SGCD: variants seen among roughly 807,000 people sequenced by gnomAD.
SGCD encodes sarcoglycan delta, also known as delta-sarcoglycan.
Under a neutral mutation model 36.6 loss-of-function variants are expected in SGCD, and 18 were observed. That is an observed-to-expected ratio of 0.49 (90% CI 0.34 to 0.73). The LOEUF (loss-of-function observed/expected upper bound fraction) is 0.73. Ranked by LOEUF, SGCD falls within the 30% of genes least tolerant of loss-of-function variation. The pLI is 0.01. For synonymous variants in SGCD, 133 were observed against 130.6 expected (o/e 1.02, Z -0.12); for missense variants, 387 against 346.7 (o/e 1.12, Z -0.92).
chr5:156,593,092 CATAG>C (rs1760788250), intron 5 of SGCD, among the ~76,000 whole-genome samples: 1 of 152,108 alleles, frequency 6.6e-6, no homozygotes, highest in Non-Finnish European at 1.5e-5. Flanking sequence ...CTTTCTATAA[CATAG>C]ATAGATACAG....
chr5:156,079,733 G>A (rs1393233985), intron 1 of SGCD, among the ~76,000 whole-genome samples: 1 of 152,192 alleles, frequency 6.6e-6, no homozygotes. Flanking sequence ...GGGCCCCTAA[G>A]GTCTTGGGCA....
intron 7 of SGCD, among the ~76,000 whole-genome samples, chr5:156,688,170 C>A (rs564665113): frequency 2.0e-5 from 3 of 152,154 alleles, no homozygotes; most frequent in East Asian, 1.9e-4. Flanking sequence ...AGGTAATAAG[C>A]CTAATATCCT....
At chr5:156,719,621 G>A (rs1755392729) in intron 7 of SGCD, among the ~76,000 whole-genome samples, 1 of 152,198 alleles carries the variant, frequency 6.6e-6, no homozygotes, top group African/African-American at 2.4e-5. Context: ...TGCATAGTCT[G>A]TGGTGGATGG....
intron 1 of SGCD, among the ~76,000 whole-genome samples, chr5:156,117,310 G>GT (rs1178889599): frequency 6.6e-6 from 1 of 151,916 alleles, no homozygotes; most frequent in Non-Finnish European, 1.5e-5. Flanking sequence ...CATTTTATAG[G>GT]TAAGAGAATT....
rs58920671 is a variant in SGCD, at chr5:156,406,819, T to TACAC, written c.192+62162_192+62165dup. 1.5e-3 allele frequency among the ~76,000 whole-genome samples: 152 copies of TACAC among 104,310 alleles called. 2 individuals carry two copies. The highest frequency in any genetic ancestry group is 2.3e-3 in the Non-Finnish European group (123 of 52,560). The allele number at this position is 104,310 out of a possible 152,430, so 68.4% of individuals were successfully genotyped here. ...ATATATATATATATATATATATATA[T>TACAC]ACACACACACACACACACACACATA... On this transcript the variant is annotated intron_variant, in intron 3 of 8. Transcript: ENST00000337851.
At chr5:155,966,170 A>G (rs781220493) in intron 1 of SGCD, among the ~76,000 whole-genome samples, 5 of 152,124 alleles carry the variant, frequency 3.3e-5, no homozygotes, top group East Asian at 1.9e-4. Context: ...GTCAAATCCA[A>G]TAGAACCAAC....
intron 3 of SGCD, among the ~76,000 whole-genome samples, chr5:156,178,493 A>G (rs1262113193): frequency 1.3e-5 from 2 of 152,210 alleles, no homozygotes; most frequent in African/African-American, 4.8e-5. Flanking sequence ...GTCTTTATAC[A>G]TATGCATCTC....
At chr5:156,417,610 C>T (rs1773112219) in intron 3 of SGCD, among the ~76,000 whole-genome samples, 1 of 152,114 alleles carries the variant, frequency 6.6e-6, no homozygotes. Flanking sequence ...GGGCTGTCTT[C>T]CTGGCTTGCA....
intron 4 of SGCD, among the ~76,000 whole-genome samples, chr5:156,569,194 C>T (rs1440308096): frequency 6.6e-6 from 1 of 152,042 alleles, no homozygotes; most frequent in South Asian, 2.1e-4. Flanking sequence ...TTTTTGTACC[C>T]ACCATGTACG....
At chr5:156,203,925 T>C (rs1764209469) in intron 3 of SGCD, among the ~76,000 whole-genome samples, 1 of 152,120 alleles carries the variant, frequency 6.6e-6, no homozygotes, top group Non-Finnish European at 1.5e-5. Flanking sequence ...TTGGAAAATA[T>C]ATTGAGATCT....
At chr5:156,071,276 A>G (rs553183763) in intron 1 of SGCD, among the ~76,000 whole-genome samples, 130 of 152,318 alleles carry the variant, frequency 8.5e-4, no homozygotes, top group South Asian at 5.2e-3. Context: ...TTAGTGTTAT[A>G]AATTTCCCTC....
chr5:156,744,533 A>G (rs1041739203), intron 7 of SGCD, among the ~76,000 whole-genome samples: 1 of 152,160 alleles, frequency 6.6e-6, no homozygotes, highest in Non-Finnish European at 1.5e-5. Context: ...CCCACTTCAC[A>G]TCCATCTTTT....
In SGCD at chr5:156,134,694, G is replaced by A. The variant is rs551989452; in HGVS notation, c.-44+10675G>A. On this transcript the variant is annotated intron_variant, in intron 3 of 9. Coordinates refer to the SGCD transcript ENST00000517913. ...GGGAACATCACACACTGGGCCTGTCGTGGGGTTGGGGGAGGGGGGAGGGAT... is the reference window on the plus strand; with the variant it reads ...GGGAACATCACACACTGGGCCTGTCATGGGGTTGGGGGAGGGGGGAGGGAT... Among the ~76,000 whole-genome samples, 8 of 148,068 alleles carry A rather than the reference G, an allele frequency of 5.4e-5. No individual in the cohort carries two copies. In the South Asian group the frequency reaches 1.3e-3, roughly 25 times the overall value.
intron 7 of SGCD, among the ~76,000 whole-genome samples, chr5:156,717,795 C>T (rs564060046): frequency 6.9e-4 from 105 of 152,202 alleles, no homozygotes; most frequent in Admixed American, 1.3e-3. Context: ...CCATCCTAAG[C>T]TTGCTATGTC....
intron 1 of SGCD, among the ~76,000 whole-genome samples, chr5:156,061,173 A>G (rs1159942760): frequency 7.3e-6 from 1 of 137,794 alleles, no homozygotes; most frequent in Non-Finnish European, 1.6e-5. Context: ...AATTGCAACT[A>G]TTTTTTTTTT....
intron 3 of SGCD, among the ~76,000 whole-genome samples, chr5:156,407,616 G>A (rs938872226): frequency 1.3e-5 from 2 of 152,186 alleles, no homozygotes; most frequent in African/African-American, 2.4e-5. Context: ...AATCTACTCA[G>A]TTAAATTTTC....
chr5:156,756,838 C>A (rs955784599), intron 7 of SGCD, among the ~76,000 whole-genome samples: 1 of 149,668 alleles, frequency 6.7e-6, no homozygotes, highest in Admixed American at 6.6e-5. Flanking sequence ...CAGACCACCT[C>A]CCCTCCCAGC....
chr5:155,734,914 C>T, the SGCD span, among the ~76,000 whole-genome samples: 2 of 152,114 alleles, frequency 1.3e-5, no homozygotes, highest in African/African-American at 4.8e-5. Flanking sequence ...ATAATGTGTT[C>T]CTCCATTTAA....
Position 156,222,318 on chromosome 5 carries a change from G to T in SGCD, c.-44+98299G>T, listed in dbSNP as rs1384354819. Among the ~76,000 whole-genome samples the T allele has an allele frequency of 1.8e-4, 28 of 152,026 alleles. 1 individual carries two copies. The highest frequency in any genetic ancestry group is 1.8e-3 in the Admixed American group (28 of 15,232). On this transcript the variant is annotated intron_variant, in intron 3 of 9. Transcript: ENST00000517913. The stretch of plus-strand genomic sequence containing the variant: ...TATTAACTATTTGCAAGTGTTGATT[G>T]GTGGACATAAGGTAGAAAATATCAC...
Sources: allele counts gnomAD v4.1 joint callset (sites outside exome capture counted in the v4.1 genomes callset), GRCh38; gene constraint gnomAD v4.1.1; transcripts MANE v1.5; gene names NCBI Gene and HGNC (gene_info 2026-07-23, HGNC 2026-07-21).